Variants in ZNF787 observed in about 807,000 individuals in gnomAD.
ZNF787 encodes zinc finger protein 787, also known as TTF-I-interacting peptide 20.
Under a neutral mutation model 16.9 loss-of-function variants are expected in ZNF787, and 7 were observed. The ratio of observed to expected loss-of-function variants is 0.42; its 90% CI spans 0.24 to 0.78. The LOEUF (loss-of-function observed/expected upper bound fraction) is 0.78. Among genes scored for constraint, ZNF787 ranks in the 30% least tolerant of loss-of-function variants. The pLI is 0.30. For missense variants in ZNF787, 551 were observed against 589.3 expected (o/e 0.94, Z 0.67); for synonymous variants, 345 against 270.9 (o/e 1.27, Z -2.69).
intron 1 of ZNF787, among the ~76,000 whole-genome samples, chr19:56,114,906 G>A (rs138359088): frequency 2.2e-3 from 330 of 152,062 alleles, no homozygotes; most frequent in African/African-American, 7.7e-3. Flanking sequence ...AGCCCACAGC[G>A]CCACCCCTCC....
chr19:56,091,885 G>C (rs1985589275), intron 2 of ZNF787, among the ~76,000 whole-genome samples: 1 of 151,892 alleles, frequency 6.6e-6, no homozygotes, highest in Non-Finnish European at 1.5e-5. Context: ...GCCAAGATGA[G>C]CCGCTCCACT....
chr19:56,113,942 G>A (rs2030056281), intron 1 of ZNF787, among the ~76,000 whole-genome samples: 1 of 152,140 alleles, frequency 6.6e-6, no homozygotes, highest in African/African-American at 2.4e-5. Flanking sequence ...GGATTCTCCT[G>A]CCTCTGCCTC....
At chr19:56,108,014 T>C (rs925104228) in intron 1 of ZNF787, among the ~76,000 whole-genome samples, 5 of 152,092 alleles carry the variant, frequency 3.3e-5, no homozygotes, top group African/African-American at 1.2e-4. Flanking sequence ...GACGCTTGTC[T>C]TATGGATGTG....
chr19:56,114,776 CA>C (rs1449772903), intron 1 of ZNF787, among the ~76,000 whole-genome samples: 1 of 151,814 alleles, frequency 6.6e-6, no homozygotes, highest in Non-Finnish European at 1.5e-5. Context: ...GGGCAGGTGC[CA>C]GGGGTGTCCA....
intron 2 of ZNF787, among the ~76,000 whole-genome samples, chr19:56,093,237 C>G (rs374483003): frequency 6.7e-6 from 1 of 150,152 alleles, no homozygotes; most frequent in African/African-American, 2.5e-5. Flanking sequence ...TCCATAGACA[C>G]AGGGGATGAC....
chr19:56,103,229 T>C lies in ZNF787; in HGVS notation c.-10-2A>G, dbSNP rs1986173879. The C allele has an allele frequency of 6.5e-7, 1 of 1,543,574 alleles. No homozygotes were observed. The highest frequency in any genetic ancestry group is 8.7e-7 in the Non-Finnish European group (1 of 1,145,406). ...TCCCGCAGCTCCATGTCTGGGTCCC[T>C]GTTAGAAGGGGATGAGACAGAAGGA... On this transcript the variant is annotated splice_acceptor_variant, in intron 1 of 2. Transcript: ENST00000610935. LOFTEE classifies it low-confidence loss of function (5UTR_SPLICE).
rs1480313400 is a variant in ZNF787 at position 56,088,918 on chromosome 19, T to C, written c.254A>G (p.Gln85Arg). The C allele has an allele frequency of 1.3e-6, 2 of 1,594,304 alleles. No individual in the cohort carries two copies. Among genetic ancestry groups the C allele is most frequent in the Non-Finnish European group, 1.7e-6 (2 of 1,169,988 alleles). ...GGGCCGCTCGCCGGTGTGCGTGCGC[T>C]GGTGCCGCGTCAGCTTGGACCAGTG... is the stretch of plus-strand genomic sequence containing the variant. ...FSHWSKLTRHQRTHTGERPNA... is the reference protein window; with the variant it reads ...FSHWSKLTRHRRTHTGERPNA... The change falls in exon 3 of 3, where the codon CAG (glutamine) becomes CGG (arginine). Residue 85 changes from glutamine to arginine, a missense_variant. This residue lies in a region of ZNF787 where 39 missense variants were observed against 109.9 expected (regional missense o/e 0.35). Transcript: ENST00000610935. This position sits in a 1 kb window ranked among gnomAD's most constrained non-coding sequence, Gnocchi z 8.6.
chr19:56,105,206 TC>T (rs1210020490), intron 1 of ZNF787, among the ~76,000 whole-genome samples: 1 of 152,018 alleles, frequency 6.6e-6, no homozygotes, highest in Non-Finnish European at 1.5e-5. Context: ...CCAGCCCTTC[TC>T]CCACCCTCCT....
In ZNF787 at chr19:56,087,994, C is replaced by T. The variant is rs1160563968; in HGVS notation, c.*29G>A. On this transcript the variant is annotated 3_prime_UTR_variant, in exon 3 of 3. Transcript: ENST00000610935. Reference sequence around the variant, plus strand: ...TCGCTCCCGCCAAGCCCGAGGGGCCCTGCCCGCCCCCCCCCCCGGGCCCCT... The same window carrying T: ...TCGCTCCCGCCAAGCCCGAGGGGCCTTGCCCGCCCCCCCCCCCGGGCCCCT... 2.8e-5 allele frequency: 35 copies of T among 1,248,876 alleles called. 1 individual carries two copies. Among genetic ancestry groups the T allele is most frequent in the East Asian group, 1.1e-4 (3 of 26,854 alleles). 77.4% of individuals were successfully genotyped at this position (1,248,876 alleles called of 1,614,324 possible).
chr19:56,097,304 C>T (rs1985908559), intron 2 of ZNF787, among the ~76,000 whole-genome samples: 1 of 152,232 alleles, frequency 6.6e-6, no homozygotes, highest in African/African-American at 2.4e-5. Context: ...CCCAGAAATA[C>T]TCAAATACAG....
chr19:56,098,124 G>A (rs1366142033), intron 2 of ZNF787, among the ~76,000 whole-genome samples: 1 of 152,098 alleles, frequency 6.6e-6, no homozygotes, highest in Non-Finnish European at 1.5e-5. Flanking sequence ...AGGAACATGT[G>A]CCAGGGGTTC....
intron 1 of ZNF787, among the ~76,000 whole-genome samples, chr19:56,105,833 TACA>T (rs886409213): frequency 3.9e-5 from 6 of 152,076 alleles, no homozygotes; most frequent in South Asian, 2.1e-4. Context: ...CAATCAACTT[TACA>T]ACAACTCCAA....
intron 1 of ZNF787, among the ~76,000 whole-genome samples, chr19:56,115,026 G>A (rs1468265220): frequency 6.6e-6 from 1 of 152,164 alleles, no homozygotes; most frequent in Non-Finnish European, 1.5e-5. Flanking sequence ...TGGATCTGCA[G>A]GCTAGGTGGG....
chr19:56,091,758 C>A (rs1212478975), intron 2 of ZNF787, among the ~76,000 whole-genome samples: 1 of 152,244 alleles, frequency 6.6e-6, no homozygotes, highest in Non-Finnish European at 1.5e-5. Context: ...TTACATCTTG[C>A]AGATTCCTGG....
intron 2 of ZNF787, 75 bp downstream of exon 2, chr19:56,103,064 C>T: frequency 6.5e-7 from 1 of 1,535,438 alleles, no homozygotes; most frequent in Non-Finnish European, 9.0e-7. Flanking sequence ...GGGGTTTCCT[C>T]CCACCCAGAG....
rs557338250 is a variant in ZNF787, at chr19:56,107,972, C to T, written c.-10-4745G>A. ...CGGGAGGACTGCGAGTCACCTGAAG[C>T]GCAGGGGACCCTTAGAGGTGGGCAC... On this transcript the variant is annotated intron_variant, in intron 1 of 2. Transcript: ENST00000610935. 1.5e-4 allele frequency among the ~76,000 whole-genome samples: 23 copies of T among 152,136 alleles called. 1 individual carries two copies. Among genetic ancestry groups the T allele is most frequent in the Non-Finnish European group, 2.6e-4 (18 of 67,986 alleles).
At position 56,098,196 on chromosome 19, in the gene ZNF787, G is replaced by C. The variant is rs534993435; in HGVS notation, c.79+4943C>G. ...CTTTCCAACCACCCAAGCCTCCCTGGGGACACCTCTGAACAGGGGACATGG... is the reference window on the plus strand; with the variant it reads ...CTTTCCAACCACCCAAGCCTCCCTGCGGACACCTCTGAACAGGGGACATGG... On this transcript the variant is annotated intron_variant, in intron 2 of 2. Transcript: ENST00000610935. Among the ~76,000 whole-genome samples, 6 of 152,272 alleles carry C rather than the reference G, an allele frequency of 3.9e-5. No homozygotes were observed. In the East Asian group the frequency reaches 1.2e-3, roughly 30 times the overall value.
In ZNF787 at chr19:56,088,328, A is replaced by C; in HGVS notation, c.844T>G (p.Cys282Gly). 1 of 1,251,682 alleles carries C rather than the reference A, an allele frequency of 8.0e-7. No individual in the cohort carries two copies. The highest frequency in any genetic ancestry group is 1.0e-6 in the Non-Finnish European group (1 of 994,310). The allele number at this position is 1,251,682 out of a possible 1,614,324, so 77.5% of individuals were successfully genotyped here. The change falls in exon 3 of 3, where the codon TGT (cysteine) becomes GGT (glycine). Residue 282 changes from cysteine (C) to glycine (G), a missense_variant. Transcript: ENST00000610935. The surrounding 1 kb of genome is among the most constrained non-coding windows in gnomAD (Gnocchi z 8.6). ...CCGAAGCCCTTCCCGCACTCCAGAC[A>C]CACGTACGGCTTGGGGGCCGGGGCG... ...RRAPAPKPYV[C>G]LECGKGFGHG...
intron 2 of ZNF787, among the ~76,000 whole-genome samples, chr19:56,091,913 CAGCCGCAGCCGAAGCCGA>C (rs796901423): frequency 5.8e-5 from 3 of 52,080 alleles, no homozygotes; most frequent in African/African-American, 1.9e-4. Flanking sequence ...GCCGCAGCCG[CAGCCGCAGCCGAAGCCGA>C]AGCCGAAGCC....
Sources: allele counts gnomAD v4.1 joint callset (sites outside exome capture counted in the v4.1 genomes callset), GRCh38; gene constraint gnomAD v4.1.1; regional missense constraint gnomAD v4.1.1; non-coding constraint Gnocchi (gnomAD v3.1); transcripts MANE v1.5; gene names NCBI Gene and HGNC (gene_info 2026-07-23, HGNC 2026-07-21).